EYS: variants seen among roughly 807,000 people sequenced by gnomAD.
EYS encodes the protein EGF-like photoreceptor maintenance factor.
In EYS, 250 loss-of-function variants were observed where a neutral mutation model predicts 282.1. The ratio of observed to expected loss-of-function variants is 0.89; its 90% CI spans 0.80 to 0.98. The LOEUF (loss-of-function observed/expected upper bound fraction) is 0.98, where lower values mean the gene tolerates loss of function less well. EYS is among the 50% of genes least tolerant of loss of function. The pLI is 0.00. For synonymous variants in EYS, 1,355 were observed against 1,282.9 expected, an observed-to-expected ratio of 1.06 and a Z score of -1.20; for missense variants, 4,016 against 3,709.0, an observed-to-expected ratio of 1.08 and a Z score of -2.15.
At chr6:65,518,426 T>C (rs1406718111) in intron 2 of EYS, among the ~76,000 whole-genome samples, 1 of 152,130 alleles carries the variant, frequency 6.6e-6, no homozygotes, top group Admixed American at 6.6e-5. Context: ...ACAAGGTAAA[T>C]GTTCAATAAT....
chr6:64,277,127 A>G (rs1768142469), intron 30 of EYS, among the ~76,000 whole-genome samples: 1 of 152,144 alleles, frequency 6.6e-6, no homozygotes. Flanking sequence ...CCACAGATAG[A>G]GCATTGAGAA....
chr6:64,456,022 G>C (rs896846379), intron 26 of EYS, among the ~76,000 whole-genome samples: 2 of 151,944 alleles, frequency 1.3e-5, no homozygotes, highest in Non-Finnish European at 2.9e-5. Context: ...TTATATTTAG[G>C]ATATTTGCAT....
intron 12 of EYS, among the ~76,000 whole-genome samples, chr6:65,213,645 T>C (rs983649424): frequency 6.6e-6 from 1 of 152,220 alleles, no homozygotes; most frequent in African/African-American, 2.4e-5. Flanking sequence ...ATAAGTCAGA[T>C]AACTTAATTG....
intron 30 of EYS, among the ~76,000 whole-genome samples, chr6:64,301,104 G>C (rs1326114824): frequency 6.6e-6 from 1 of 152,202 alleles, no homozygotes; most frequent in East Asian, 1.9e-4. Context: ...AAAAATTACA[G>C]ATGTCTCCTC....
intron 29 of EYS, among the ~76,000 whole-genome samples, chr6:64,343,230 C>T (rs1384914975): frequency 6.6e-6 from 1 of 151,990 alleles, no homozygotes; most frequent in African/African-American, 2.4e-5. Flanking sequence ...CAGAACTCTC[C>T]ACCCCAAATC....
chr6:65,417,849 G>A (rs1326797392), intron 5 of EYS, among the ~76,000 whole-genome samples: 1 of 151,970 alleles, frequency 6.6e-6, no homozygotes, highest in Non-Finnish European at 1.5e-5. Context: ...AGGAATGGCT[G>A]CCAGAAGCCC....
chr6:64,629,882 T>C (rs1332443561), intron 22 of EYS, among the ~76,000 whole-genome samples: 2 of 152,148 alleles, frequency 1.3e-5, no homozygotes, highest in Non-Finnish European at 2.9e-5. Flanking sequence ...TCTACATACC[T>C]TTTATTTCTT....
chr6:63,779,173 TCTCGGCCGG>T (rs1770142174), intron 39 of EYS: 1 of 151,844 alleles, frequency 6.6e-6, no homozygotes, highest in Non-Finnish European at 1.5e-5. Flanking sequence ...AGAAAGAACT[TCTCGGCCGG>T]GAACGGTGGC....
At position 65,554,370 on chromosome 6, in the gene EYS, A is replaced by G. The variant is rs191976978; in HGVS notation, c.-332-58377T>C. 2.5e-3 allele frequency among the ~76,000 whole-genome samples: 387 copies of G among 152,254 alleles called. 2 individuals carry two copies. Among genetic ancestry groups the G allele is most frequent in the Non-Finnish European group, 3.8e-3 (255 of 67,982 alleles). The stretch of plus-strand genomic sequence containing the variant: ...CTTTGAACAAGAAATTAATTAAACA[A>G]TCTCTTTCCTGAACTTTCTCTCAAC... On this transcript the variant is annotated intron_variant, in intron 2 of 42. Transcript: ENST00000503581.
At chr6:64,589,495 A>G (rs1247623462) in intron 26 of EYS, among the ~76,000 whole-genome samples, 5 of 152,090 alleles carry the variant, frequency 3.3e-5, no homozygotes, top group Non-Finnish European at 5.9e-5. Flanking sequence ...GGTAAACACA[A>G]TTCTTTAACC....
chr6:64,976,205 A>G (rs1424818348), intron 14 of EYS, among the ~76,000 whole-genome samples: 4 of 151,998 alleles, frequency 2.6e-5, no homozygotes, highest in Non-Finnish European at 5.9e-5. Flanking sequence ...TACATTGTTC[A>G]AATATATTCA....
chr6:63,936,551 G>A (rs1172400344), intron 35 of EYS, among the ~76,000 whole-genome samples: 1 of 152,148 alleles, frequency 6.6e-6, no homozygotes, highest in Non-Finnish European at 1.5e-5. Flanking sequence ...TGTTTAGCAG[G>A]CAATGTCCAG....
Position 65,494,781 on chromosome 6 carries a change from G to C in EYS, c.630C>G (p.Tyr210Ter), listed in dbSNP as rs1469481918. Residue 210 changes from tyrosine (Y) to a stop codon, truncating the protein, a stop_gained, in exon 4 of 43, where the codon TAC becomes TAG. Coordinates refer to ENST00000503581, the MANE Select transcript of EYS (RefSeq NM_001142800.2). LOFTEE classifies it high-confidence loss of function. Reference sequence around the variant, plus strand: ...AAGAACATGCATCAAGTTCCTGGCAGTATTTTCCAGAAAATGGAGGCTGGC... The same window carrying C: ...AAGAACATGCATCAAGTTCCTGGCACTATTTTCCAGAAAATGGAGGCTGGC... ...CHCQPPFSGK[Y>*]CQELDACSFK... 2 of 1,613,950 alleles carry C rather than the reference G, an allele frequency of 1.2e-6. No individual in the cohort carries two copies. The highest frequency in any genetic ancestry group is 2.2e-5 in the East Asian group (1 of 44,880).
rs118168770 is a variant in EYS, at chr6:64,334,358, G to T, written c.6079-27276C>A. ...CCACTGCAGCAAGGGGAAGATCTAAGCTATCCGGGCTATGATGAAGGTGGA... is the reference window on the plus strand; with the variant it reads ...CCACTGCAGCAAGGGGAAGATCTAATCTATCCGGGCTATGATGAAGGTGGA... On this transcript the variant is annotated intron_variant, in intron 29 of 42. Transcript: ENST00000503581. 1.7e-3 allele frequency among the ~76,000 whole-genome samples: 256 copies of T among 152,196 alleles called. 3 individuals are homozygous for T. In the East Asian group the frequency reaches 0.018, roughly 11 times the overall value.
intron 13 of EYS, among the ~76,000 whole-genome samples, chr6:65,055,827 G>A (rs535807374): frequency 2.0e-5 from 3 of 152,022 alleles, no homozygotes; most frequent in Non-Finnish European, 4.4e-5. Flanking sequence ...TAACACGGCT[G>A]TGTATGTTGA....
intron 29 of EYS, among the ~76,000 whole-genome samples, chr6:64,350,060 T>C (rs1345333860): frequency 6.6e-6 from 1 of 151,512 alleles, no homozygotes. Context: ...CTTCCAGGAT[T>C]CTTGTAACTC....
At chr6:63,973,004 G>C (rs561803729) in intron 35 of EYS, among the ~76,000 whole-genome samples, 3 of 152,006 alleles carry the variant, frequency 2.0e-5, no homozygotes, top group Non-Finnish European at 4.4e-5. Context: ...ACATACATGT[G>C]CATGTGTCTT....
At chr6:65,054,748 G>A (rs977311761) in intron 13 of EYS, among the ~76,000 whole-genome samples, 1 of 151,498 alleles carries the variant, frequency 6.6e-6, no homozygotes, top group African/African-American at 2.4e-5. Flanking sequence ...TTTGTTTTAT[G>A]TATGTACAGT....
At position 63,767,181 on chromosome 6, in the gene EYS, A is replaced by T. The variant is rs988098928; in HGVS notation, c.7899-4548T>A. Among the ~76,000 whole-genome samples the T allele has an allele frequency of 4.6e-5, 7 of 152,078 alleles. No homozygotes were observed. In the East Asian group the frequency reaches 1.3e-3, roughly 29 times the overall value. On this transcript the variant is annotated intron_variant, in intron 40 of 42. Coordinates refer to ENST00000503581, the MANE Select transcript of EYS (RefSeq NM_001142800.2). ...CCTTGAGAACTGCAACAAGACAAGG[A>T]TGCCCACTCTCACCACTCCTATTCA...
Sources: allele counts gnomAD v4.1 joint callset (sites outside exome capture counted in the v4.1 genomes callset), GRCh38; gene constraint gnomAD v4.1.1; transcripts MANE v1.5; gene names NCBI Gene and HGNC (gene_info 2026-07-23, HGNC 2026-07-21).